Variants in ZFPM2 observed in about 807,000 individuals in gnomAD.
ZFPM2 encodes zinc finger protein ZFPM2.
In ZFPM2, 20 loss-of-function variants were observed where a neutral mutation model predicts 98.6. The ratio of observed to expected loss-of-function variants is 0.20; its 90% CI spans 0.14 to 0.29. The LOEUF is 0.29. Among genes scored for constraint, ZFPM2 ranks in the 10% least tolerant of loss-of-function variants. ZFPM2 has a pLI of 1.00. For synonymous variants in ZFPM2, 518 were observed against 502.7 expected (o/e 1.03, Z -0.41); for missense variants, 1,310 against 1,388.6 (o/e 0.94, Z 0.90).
intron 5 of ZFPM2, among the ~76,000 whole-genome samples, chr8:105,710,261 G>A (rs1203409680): frequency 6.6e-6 from 1 of 152,110 alleles, no homozygotes; most frequent in African/African-American, 2.4e-5. Context: ...CATGTCTAAT[G>A]TGGTCACCAG....
chr8:105,324,596 T>G (rs1812083499), intron 1 of ZFPM2, among the ~76,000 whole-genome samples: 1 of 151,870 alleles, frequency 6.6e-6, no homozygotes, highest in Admixed American at 6.6e-5. Flanking sequence ...GGGACTAGTG[T>G]ATGGATTTCT....
At chr8:105,397,639 C>T (rs1311350705) in intron 1 of ZFPM2, among the ~76,000 whole-genome samples, 9 of 152,126 alleles carry the variant, frequency 5.9e-5, no homozygotes, top group African/African-American at 1.9e-4. Context: ...AGCCAACTTT[C>T]TGTCCCCTGA....
chr8:105,432,044 G>A (rs1812031390), intron 2 of ZFPM2, among the ~76,000 whole-genome samples: 1 of 152,104 alleles, frequency 6.6e-6, no homozygotes, highest in Non-Finnish European at 1.5e-5. Flanking sequence ...CCAGCCTGGT[G>A]AGCATGCAAG....
chr8:105,665,372 G>C (rs1817470075), intron 5 of ZFPM2, among the ~76,000 whole-genome samples: 1 of 152,090 alleles, frequency 6.6e-6, no homozygotes, highest in Non-Finnish European at 1.5e-5. Flanking sequence ...AATTTATTTA[G>C]ATAAGCTTAT....
chr8:105,634,568 A>C (rs891177296), intron 5 of ZFPM2, among the ~76,000 whole-genome samples: 1 of 145,660 alleles, frequency 6.9e-6, no homozygotes, highest in African/African-American at 2.5e-5. Flanking sequence ...CATACCATTA[A>C]TTTACTTAGT....
At chr8:105,377,731 G>T (rs1810759723) in intron 1 of ZFPM2, among the ~76,000 whole-genome samples, 1 of 151,432 alleles carries the variant, frequency 6.6e-6, no homozygotes, top group African/African-American at 2.4e-5. Context: ...AGTGAGCCGA[G>T]ATTGCACCAC....
chr8:105,780,974 GATC>G (rs1813231139), intron 5 of ZFPM2, among the ~76,000 whole-genome samples: 1 of 152,220 alleles, frequency 6.6e-6, no homozygotes, highest in South Asian at 2.1e-4. Flanking sequence ...TGAAACATTT[GATC>G]ATCAAGACAC....
chr8:105,674,930 T>C (rs1397013737), intron 5 of ZFPM2, among the ~76,000 whole-genome samples: 1 of 152,120 alleles, frequency 6.6e-6, no homozygotes, highest in Non-Finnish European at 1.5e-5. Context: ...GTGCTAATTC[T>C]GGAACCTGTG....
intron 6 of ZFPM2, chr8:105,798,017 T>C (rs1183334048): frequency 6.6e-6 from 1 of 152,198 alleles, no homozygotes; most frequent in Non-Finnish European, 1.5e-5. Flanking sequence ...ACTCCGTATT[T>C]ACTGTGTTAA....
At chr8:105,624,469 A>C (rs1700309174) in intron 4 of ZFPM2, among the ~76,000 whole-genome samples, 1 of 152,184 alleles carries the variant, frequency 6.6e-6, no homozygotes, top group African/African-American at 2.4e-5. Flanking sequence ...GGCAAAAGGG[A>C]AAGAGAAATG....
At chr8:105,793,517 C>A (rs990545675) in intron 6 of ZFPM2, among the ~76,000 whole-genome samples, 16 of 152,146 alleles carry the variant, frequency 1.1e-4, no homozygotes, top group Non-Finnish European at 2.2e-4. Flanking sequence ...CTGCCCTTAA[C>A]ATTTTTTCCT....
intron 5 of ZFPM2, among the ~76,000 whole-genome samples, chr8:105,760,322 C>A (rs923135153): frequency 3.3e-5 from 5 of 151,988 alleles, no homozygotes; most frequent in Admixed American, 2.6e-4. Flanking sequence ...ATGCAATATA[C>A]ATATTTAAAA....
chr8:105,503,349 T>G (rs555408777), intron 3 of ZFPM2, among the ~76,000 whole-genome samples: 1 of 152,324 alleles, frequency 6.6e-6, no homozygotes, highest in East Asian at 1.9e-4. Flanking sequence ...AGCACCTTTA[T>G]CCTGACCTAG....
intron 4 of ZFPM2, among the ~76,000 whole-genome samples, chr8:105,575,997 C>T (rs1168382282): frequency 6.6e-6 from 1 of 152,144 alleles, no homozygotes; most frequent in South Asian, 2.1e-4. Context: ...AAAAAATACA[C>T]ATTAAATGTT....
At chr8:105,645,386 A>G (rs73700108) in intron 5 of ZFPM2, among the ~76,000 whole-genome samples, 92 of 152,220 alleles carry the variant, frequency 6.0e-4, no homozygotes, top group African/African-American at 2.2e-3. Flanking sequence ...TCATTCTTTT[A>G]TCTCTGAAGA....
chr8:105,348,410 G>A (rs1018126404), intron 1 of ZFPM2, among the ~76,000 whole-genome samples: 2 of 152,132 alleles, frequency 1.3e-5, no homozygotes, highest in Non-Finnish European at 2.9e-5. Context: ...CACACATCAG[G>A]TTTTCGTAAT....
intron 3 of ZFPM2, among the ~76,000 whole-genome samples, chr8:105,507,945 C>A (rs1420394068): frequency 1.3e-5 from 2 of 151,992 alleles, no homozygotes; most frequent in Non-Finnish European, 2.9e-5. Context: ...TAAATAGAAA[C>A]AAGGTATAAA....
intron 6 of ZFPM2, among the ~76,000 whole-genome samples, chr8:105,792,303 TG>T (rs1813639102): frequency 6.6e-6 from 1 of 152,192 alleles, no homozygotes; most frequent in Non-Finnish European, 1.5e-5. Context: ...TTGTTCTCAT[TG>T]GTTTCAAAGA....
At chr8:105,535,927 G>T (rs1814441294) in intron 3 of ZFPM2, among the ~76,000 whole-genome samples, 1 of 152,026 alleles carries the variant, frequency 6.6e-6, no homozygotes, top group African/African-American at 2.4e-5. Context: ...TTTTTATATT[G>T]CCAGGCTGTG....
Sources: gnomAD v4.1 joint callset for allele counts (sites outside exome capture counted in the v4.1 genomes callset) on GRCh38, gnomAD v4.1.1 for gene constraint, MANE v1.5 for transcripts, NCBI Gene and HGNC (gene_info 2026-07-23, HGNC 2026-07-21) for gene names.